Variants in RABGAP1L observed in about 807,000 individuals in gnomAD.
RABGAP1L encodes rab GTPase-activating protein 1-like.
A neutral mutation model predicts 137.7 loss-of-function variants in RABGAP1L; 63 were observed. That is an observed-to-expected ratio of 0.46 (90% confidence interval 0.37 to 0.56). The LOEUF (loss-of-function observed/expected upper bound fraction) is 0.56, where lower values mean the gene tolerates loss of function less well. Ranked by LOEUF, RABGAP1L falls within the 20% of genes least tolerant of loss-of-function variation. The probability of loss-of-function intolerance (pLI) is 0.00; values close to 1 mark genes in which losing one functional copy is unlikely to be tolerated. For synonymous variants in RABGAP1L, 431 were observed against 433.7 expected, an observed-to-expected ratio of 0.99 and a Z score of 0.08; for missense variants, 1,095 against 1,244.0, an observed-to-expected ratio of 0.88 and a Z score of 1.80.
At chr1:174,590,556 T>G (rs1446556593) in intron 13 of RABGAP1L, among the ~76,000 whole-genome samples, 2 of 95,634 alleles carry the variant, frequency 2.1e-5, no homozygotes, top group Non-Finnish European at 4.1e-5. Flanking sequence ...TGTGTCCAAG[T>G]GATCTCATTG....
At chr1:174,856,748 G>C (rs1449984600) in intron 19 of RABGAP1L, among the ~76,000 whole-genome samples, 1 of 151,996 alleles carries the variant, frequency 6.6e-6, no homozygotes, top group African/African-American at 2.4e-5. Context: ...CCAACATGGA[G>C]AAAACCCATC....
intron 19 of RABGAP1L, among the ~76,000 whole-genome samples, chr1:174,858,760 C>T (rs573772209): frequency 5.2e-4 from 79 of 152,116 alleles, no homozygotes; most frequent in Non-Finnish European, 3.2e-4. Context: ...TTAAGTCTGG[C>T]CTGAGACACT....
chr1:174,741,830 G>A (rs1277340245), intron 17 of RABGAP1L, among the ~76,000 whole-genome samples: 1 of 115,310 alleles, frequency 8.7e-6, no homozygotes, highest in African/African-American at 4.3e-5. Context: ...ACCAGCCTGG[G>A]CAACATGGCA....
chr1:174,338,582 T>C (rs1001541506), intron 11 of RABGAP1L, among the ~76,000 whole-genome samples: 2 of 151,972 alleles, frequency 1.3e-5, no homozygotes, highest in African/African-American at 4.8e-5. Flanking sequence ...ATTTGGTGGA[T>C]TGAAATTTGA....
Position 174,630,085 on chromosome 1 carries a change from T to G in RABGAP1L, c.1711-7290T>G, listed in dbSNP as rs563005855. On this transcript the variant is annotated intron_variant, in intron 13 of 25. Coordinates refer to ENST00000681986, the MANE Select transcript of RABGAP1L (RefSeq NM_001366446.1). ...TACGTCCCATCAATACCTAATTTATTGAGAGTTTTTAGCATGAAGGGTTGT... is the reference window on the plus strand; with the variant it reads ...TACGTCCCATCAATACCTAATTTATGGAGAGTTTTTAGCATGAAGGGTTGT... Among the ~76,000 whole-genome samples the G allele has an allele frequency of 1.4e-3, 213 of 151,356 alleles. 1 individual carries two copies. The highest frequency in any genetic ancestry group is 0.013 in the Admixed American group (198 of 15,166).
At chr1:174,755,788 G>A (rs375659553) in intron 18 of RABGAP1L, among the ~76,000 whole-genome samples, 5 of 152,258 alleles carry the variant, frequency 3.3e-5, no homozygotes, top group African/African-American at 1.2e-4. Flanking sequence ...CAGTGTGAAA[G>A]GATGCACATA....
intron 11 of RABGAP1L, among the ~76,000 whole-genome samples, chr1:174,349,358 C>T (rs1571338603): frequency 1.7e-5 from 2 of 119,906 alleles, no homozygotes; most frequent in Non-Finnish European, 3.6e-5. Context: ...GGCAGGGGGG[C>T]TGACCCCCCC....
intron 19 of RABGAP1L, among the ~76,000 whole-genome samples, chr1:174,956,161 T>C (rs546864871): frequency 1.3e-5 from 2 of 152,316 alleles, no homozygotes; most frequent in African/African-American, 4.8e-5. Context: ...TTTGTTTACC[T>C]GCTATTTTAT....
At chr1:174,398,375 A>G (rs984150064) in intron 13 of RABGAP1L, among the ~76,000 whole-genome samples, 2 of 152,116 alleles carry the variant, frequency 1.3e-5, no homozygotes, top group African/African-American at 4.8e-5. Flanking sequence ...CTGTAATCAC[A>G]TGGTCGGTCT....
At position 174,473,317 on chromosome 1, in the gene RABGAP1L, A is replaced by G. The variant is rs183546381; in HGVS notation, c.1710+79172A>G. On this transcript the variant is annotated intron_variant, in intron 13 of 25. Coordinates refer to ENST00000681986, the MANE Select transcript of RABGAP1L (RefSeq NM_001366446.1). ...ACCTTGCTGGTGTGCAGAATTCCTC[A>G]TGTGTCAGGTGCACAATCCCAAAGC... Among the ~76,000 whole-genome samples, 214 of 152,294 alleles carry G rather than the reference A, an allele frequency of 1.4e-3. 1 individual carries two copies. The highest frequency in any genetic ancestry group is 4.9e-3 in the African/African-American group (205 of 41,570).
intron 4 of RABGAP1L, among the ~76,000 whole-genome samples, chr1:174,231,952 A>C (rs1362527330): frequency 1.3e-5 from 2 of 152,220 alleles, no homozygotes; most frequent in African/African-American, 2.4e-5. Flanking sequence ...GGAGCCGCAG[A>C]TCCAAACCCA....
intron 13 of RABGAP1L, among the ~76,000 whole-genome samples, chr1:174,444,787 T>G (rs1246804612): frequency 1.3e-5 from 2 of 152,104 alleles, no homozygotes; most frequent in Non-Finnish European, 2.9e-5. Context: ...AATTGTAATG[T>G]CTTTTCATCT....
intron 13 of RABGAP1L, among the ~76,000 whole-genome samples, chr1:174,493,471 T>G (rs1384637392): frequency 2.0e-5 from 3 of 152,052 alleles, no homozygotes; most frequent in African/African-American, 4.8e-5. Context: ...TTAGGTTGTT[T>G]ATTAGCTCAT....
chr1:174,882,141 A>G (rs1055472637), intron 19 of RABGAP1L, among the ~76,000 whole-genome samples: 1 of 152,182 alleles, frequency 6.6e-6, no homozygotes, highest in Non-Finnish European at 1.5e-5. Flanking sequence ...GATTACATCA[A>G]TCTGATAACT....
chr1:174,528,528 C>G (rs544804330), intron 13 of RABGAP1L, among the ~76,000 whole-genome samples: 1 of 147,580 alleles, frequency 6.8e-6, no homozygotes, highest in Non-Finnish European at 1.5e-5. Flanking sequence ...AATACGTCAT[C>G]CCATTTTCTC....
At chr1:174,858,452 C>CAG (rs919573172) in intron 19 of RABGAP1L, among the ~76,000 whole-genome samples, 1 of 152,084 alleles carries the variant, frequency 6.6e-6, no homozygotes, top group African/African-American at 2.4e-5. Flanking sequence ...ATCTGGTGTG[C>CAG]AGAGGCCAAT....
intron 14 of RABGAP1L, among the ~76,000 whole-genome samples, chr1:174,640,465 T>G (rs1437305721): frequency 2.0e-5 from 3 of 152,110 alleles, no homozygotes; most frequent in Non-Finnish European, 4.4e-5. Context: ...GTGTAACCTT[T>G]AAGGCTTAAA....
At chr1:174,800,135 C>T (rs1688617779) in intron 18 of RABGAP1L, 1 of 1,370,272 alleles carries the variant, frequency 7.3e-7, no homozygotes, top group Non-Finnish European at 9.4e-7. Context: ...TTTCATTTTC[C>T]AGTCTACTTT....
chr1:174,231,487 C>T, intron 4 of RABGAP1L, 132 bp downstream of exon 4: 1 of 807,680 alleles, frequency 1.2e-6, no homozygotes, highest in Non-Finnish European at 2.0e-6. Context: ...CATGTTTAGG[C>T]TTAGACTGTG....
Sources: gnomAD v4.1 joint callset for allele counts (sites outside exome capture counted in the v4.1 genomes callset) on GRCh38, gnomAD v4.1.1 for gene constraint, MANE v1.5 for transcripts, NCBI Gene and HGNC (gene_info 2026-07-23, HGNC 2026-07-21) for gene names.